Variants in NCOA2 observed in about 807,000 individuals in gnomAD.
NCOA2 encodes class E basic helix-loop-helix protein 75.
Under a neutral mutation model 145.1 loss-of-function variants are expected in NCOA2, and 21 were observed. That is an observed-to-expected ratio of 0.14 (90% CI 0.10 to 0.21). NCOA2 has a LOEUF of 0.21. Among genes scored for constraint, NCOA2 ranks in the 10% least tolerant of loss-of-function variants. The pLI, the probability that NCOA2 is intolerant of heterozygous loss-of-function variation, is 1.00. For missense variants in NCOA2, 1,472 were observed against 1,837.6 expected (o/e 0.80, Z 3.64); for synonymous variants, 619 against 637.5 (o/e 0.97, Z 0.44).
intron 16 of NCOA2, among the ~76,000 whole-genome samples, chr8:70,129,939 G>A (rs1437284885): frequency 6.6e-6 from 1 of 152,184 alleles, no homozygotes; most frequent in Non-Finnish European, 1.5e-5. Flanking sequence ...CAAAGTGCTG[G>A]GATTACAGGC....
intron 1 of NCOA2, among the ~76,000 whole-genome samples, chr8:70,357,759 G>C (rs558720620): frequency 7.3e-5 from 11 of 150,776 alleles, no homozygotes; most frequent in East Asian, 5.9e-4. Flanking sequence ...AAAGCGCGGT[G>C]GGGGGAAGAT....
chr8:70,141,111 G>A (rs1166700591), intron 14 of NCOA2, 73 bp downstream of exon 14: 1 of 1,432,412 alleles, frequency 7.0e-7, no homozygotes, highest in African/African-American at 1.4e-5. Context: ...AGCATGTCTT[G>A]AAAGAACTTA....
chr8:70,173,863 G>C (rs1473044233), intron 5 of NCOA2, among the ~76,000 whole-genome samples: 1 of 151,734 alleles, frequency 6.6e-6, no homozygotes, highest in Non-Finnish European at 1.5e-5. Context: ...AAAAAAAAGA[G>C]ATAAGGGGGA....
At chr8:70,146,672 C>G (rs911705136) in intron 12 of NCOA2, among the ~76,000 whole-genome samples, 6 of 151,914 alleles carry the variant, frequency 3.9e-5, no homozygotes, top group Non-Finnish European at 7.4e-5. Context: ...TCCCCTAGGG[C>G]TAATGAGCAT....
intron 1 of NCOA2, among the ~76,000 whole-genome samples, chr8:70,317,030 A>C (rs1427733520): frequency 1.4e-4 from 21 of 152,138 alleles, no homozygotes; most frequent in Admixed American, 1.4e-3. Flanking sequence ...TTTTGAACTC[A>C]GGGTTAGTTT....
At chr8:70,403,346 CCGCGGGCTGCAGCCTCCGCCCGCCT>C (rs1293103407) in intron 1 of NCOA2, among the ~76,000 whole-genome samples, 63 of 151,456 alleles carry the variant, frequency 4.2e-4, no homozygotes, top group Middle Eastern at 3.4e-3. Flanking sequence ...CTCGCCCGCG[CCGCGGGCTGCAGCCTCCGCCCGCCT>C]CGCGCTCCGG....
chr8:70,319,459 C>G (rs1033971032), intron 1 of NCOA2, among the ~76,000 whole-genome samples: 1 of 151,876 alleles, frequency 6.6e-6, no homozygotes, highest in African/African-American at 2.4e-5. Context: ...GGAGGATCAC[C>G]TGAGCCCAGG....
the NCOA2 span, among the ~76,000 whole-genome samples, chr8:70,448,961 T>C: frequency 6.6e-6 from 1 of 152,058 alleles, no homozygotes; most frequent in African/African-American, 2.4e-5. Flanking sequence ...CGCACCACCA[T>C]GCTCAGCTGA....
At chr8:70,348,543 A>G (rs1389231494) in intron 1 of NCOA2, among the ~76,000 whole-genome samples, 1 of 152,216 alleles carries the variant, frequency 6.6e-6, no homozygotes, top group Non-Finnish European at 1.5e-5. Context: ...ACAGTAGTCC[A>G]GGTACAAAGC....
At chr8:70,293,899 T>C (rs944563902) in intron 2 of NCOA2, among the ~76,000 whole-genome samples, 1 of 152,144 alleles carries the variant, frequency 6.6e-6, no homozygotes, top group Non-Finnish European at 1.5e-5. Flanking sequence ...CAGAATTCCA[T>C]TTTTCATATA....
At chr8:70,358,772 G>A (rs559607024) in intron 1 of NCOA2, among the ~76,000 whole-genome samples, 1 of 152,142 alleles carries the variant, frequency 6.6e-6, no homozygotes, top group African/African-American at 2.4e-5. Context: ...TGTGCATCTA[G>A]GGACATTATG....
At chr8:70,354,491 CAT>C (rs1200664685) in intron 1 of NCOA2, among the ~76,000 whole-genome samples, 1 of 152,172 alleles carries the variant, frequency 6.6e-6, no homozygotes, top group Non-Finnish European at 1.5e-5. Context: ...CTCTAGAAAA[CAT>C]ATGCTTTGAA....
intron 2 of NCOA2, among the ~76,000 whole-genome samples, chr8:70,281,848 T>A (rs558981812): frequency 6.6e-6 from 1 of 152,314 alleles, no homozygotes; most frequent in East Asian, 1.9e-4. Context: ...AGAATACTCA[T>A]GAGATAAGTT....
intron 1 of NCOA2, among the ~76,000 whole-genome samples, chr8:70,326,530 G>A (rs1165119721): frequency 6.6e-6 from 1 of 151,854 alleles, no homozygotes; most frequent in Non-Finnish European, 1.5e-5. Flanking sequence ...AAGTAATTTG[G>A]AGGACATGTC....
In NCOA2 at chr8:70,214,209, G is replaced by C; in HGVS notation, c.87-134C>G. 4.7e-6 allele frequency: 4 copies of C among 850,686 alleles called. No individual in the cohort carries two copies. In the South Asian group the frequency reaches 7.0e-5, roughly 15 times the overall value. 52.7% of individuals were successfully genotyped at this position (850,686 alleles called of 1,614,324 possible). A position where few individuals can be genotyped will look rare whatever the true frequency, so the allele number is the denominator to read the frequency against. ...TATAAACACAGAAATACTTTTGGGGGAAAAACACAATTTTCCAAAAGTGTT... is the reference window on the plus strand; with the variant it reads ...TATAAACACAGAAATACTTTTGGGGCAAAAACACAATTTTCCAAAAGTGTT... On this transcript the variant is annotated intron_variant, in intron 3 of 22. Coordinates refer to ENST00000452400, the MANE Select transcript of NCOA2 (RefSeq NM_006540.4).
At chr8:70,314,207 A>AG (rs1563753730) in intron 1 of NCOA2, among the ~76,000 whole-genome samples, 1 of 143,524 alleles carries the variant, frequency 7.0e-6, no homozygotes, top group African/African-American at 2.5e-5. Flanking sequence ...AAAAAAAAAA[A>AG]AGCAACTGTC....
chr8:70,412,860 G>A, the NCOA2 span, among the ~76,000 whole-genome samples: 1 of 151,894 alleles, frequency 6.6e-6, no homozygotes, highest in Non-Finnish European at 1.5e-5. Context: ...CACTTTAGGA[G>A]GCCAAGGCAG....
At chr8:70,411,123 C>T in the NCOA2 span, among the ~76,000 whole-genome samples, 1 of 151,974 alleles carries the variant, frequency 6.6e-6, no homozygotes, top group Non-Finnish European at 1.5e-5. Flanking sequence ...GGGAAGTTCC[C>T]CAGTATAATG....
the NCOA2 span, among the ~76,000 whole-genome samples, chr8:70,436,180 A>G: frequency 2.6e-5 from 4 of 152,144 alleles, no homozygotes; most frequent in Non-Finnish European, 5.9e-5. Context: ...TTTTATTTCC[A>G]TGTCTCATAT....
Sources: gnomAD v4.1 joint callset for allele counts (sites outside exome capture counted in the v4.1 genomes callset) on GRCh38, gnomAD v4.1.1 for gene constraint, MANE v1.5 for transcripts, NCBI Gene and HGNC (gene_info 2026-07-23, HGNC 2026-07-21) for gene names.